Variants in DCHS2 observed in about 807,000 individuals in gnomAD.
The protein encoded by DCHS2 is protocadherin-23.
Under a neutral mutation model 182.4 loss-of-function variants are expected in DCHS2, and 142 were observed. That is an observed-to-expected ratio of 0.78 (90% CI 0.68 to 0.89). The LOEUF is 0.89. Ranked by LOEUF, DCHS2 falls within the 40% of genes least tolerant of loss-of-function variation. The pLI, the probability that DCHS2 is intolerant of heterozygous loss-of-function variation, is 0.00. For synonymous variants in DCHS2, 1,740 were observed against 1,663.3 expected (o/e 1.05, Z -1.12); for missense variants, 4,319 against 4,198.6 (o/e 1.03, Z -0.79).
In DCHS2 at chr4:154,297,872, C is replaced by G; in HGVS notation, c.6442G>C (p.Val2148Leu). The G allele has an allele frequency of 6.2e-7, 1 of 1,609,688 alleles. No homozygotes were observed. Among genetic ancestry groups the G allele is most frequent in the Non-Finnish European group, 8.5e-7 (1 of 1,177,168 alleles). ...TCACCTGCCTCACAATTTTCAGTCA[C>G]GAGCCCTTTATACAGGTGGTGGCTG... ...SFSHHLYKGLVTENCEAGTSI... is the reference protein window; with the variant it reads ...SFSHHLYKGLLTENCEAGTSI... The change falls in exon 13 of 20, where the codon GTG becomes CTG. Residue 2148 changes from valine (V) to leucine (L), a missense_variant. Val to Leu is a conservative substitution (Grantham distance 32). Coordinates refer to ENST00000357232, the MANE Select transcript of DCHS2 (RefSeq NM_001358235.2).
intron 12 of DCHS2, among the ~76,000 whole-genome samples, chr4:154,299,048 A>C (rs1384833138): frequency 3.9e-5 from 6 of 152,210 alleles, no homozygotes; most frequent in Admixed American, 2.6e-4. Context: ...TCATAAGAGG[A>C]TGAAGATATA....
chr4:154,324,500 C>G (rs750755390), intron 7 of DCHS2, among the ~76,000 whole-genome samples: 1 of 152,082 alleles, frequency 6.6e-6, no homozygotes, highest in Non-Finnish European at 1.5e-5. Flanking sequence ...TTTCAGTGCA[C>G]GGAGAATACA....
intron 1 of DCHS2, among the ~76,000 whole-genome samples, chr4:154,435,885 A>G (rs184721731): frequency 6.6e-5 from 10 of 152,352 alleles, no homozygotes; most frequent in Admixed American, 6.5e-4. Flanking sequence ...AACCTGAAAT[A>G]GGCTCAGTGA....
intron 3 of DCHS2, among the ~76,000 whole-genome samples, chr4:154,353,747 C>T (rs1473019800): frequency 6.6e-6 from 1 of 152,214 alleles, no homozygotes; most frequent in Non-Finnish European, 1.5e-5. Flanking sequence ...TGGAGGGTCT[C>T]AAAGGGTGTC....
intron 1 of DCHS2, among the ~76,000 whole-genome samples, chr4:154,411,412 T>C (rs1329277893): frequency 1.3e-5 from 2 of 151,936 alleles, no homozygotes; most frequent in African/African-American, 4.8e-5. Flanking sequence ...GCCTGGTCAA[T>C]ATGGTGAAAC....
chr4:154,260,098 A>G (rs1488673911), intron 14 of DCHS2, among the ~76,000 whole-genome samples: 1 of 152,216 alleles, frequency 6.6e-6, no homozygotes, highest in African/African-American at 2.4e-5. Context: ...CTCGGATTAT[A>G]GGCGTGAGCC....
rs752151040 is a variant in DCHS2, at chr4:154,321,194, A to C, written c.4205T>G (p.Ile1402Ser). 5.1e-6 allele frequency: 8 copies of C among 1,562,280 alleles called. No individual in the cohort carries two copies. Among genetic ancestry groups the C allele is most frequent in the Non-Finnish European group, 6.1e-6 (7 of 1,152,198 alleles). ...TAAATGTCTAATATTCTGAGACATG[A>C]TTGCTCTCCCTTTGGATAGTGGGAT... ...QVIPLSKGRAIMSQNIRHLII... is the reference protein window; with the variant it reads ...QVIPLSKGRASMSQNIRHLII... Residue 1402 changes from isoleucine to serine, a missense_variant, in exon 9 of 20, where the codon ATC (isoleucine) becomes AGC (serine). Ile to Ser is a moderately radical substitution (Grantham distance 142). Transcript: ENST00000357232.
intron 16 of DCHS2, among the ~76,000 whole-genome samples, chr4:154,252,854 A>T (rs755627889): frequency 3.3e-5 from 5 of 152,082 alleles, no homozygotes; most frequent in African/African-American, 4.8e-5. Context: ...ATTGTATGGT[A>T]GCTCTATTTT....
At position 154,269,880 on chromosome 4, in the gene DCHS2, A is replaced by G. The variant is rs772392701; in HGVS notation, c.6577+20T>C. ...AAATGGAGCAGAAAATAAAGCTAGT[A>G]TAGGGTAGAGAAGGATTACCTGACT... is the stretch of plus-strand genomic sequence containing the variant. On this transcript the variant is annotated intron_variant, in intron 14 of 19. Transcript: ENST00000357232. The G allele has an allele frequency of 1.2e-4, 189 of 1,603,560 alleles. No homozygotes were observed. Among genetic ancestry groups the G allele is most frequent in the Non-Finnish European group, 1.6e-4 (186 of 1,176,858 alleles).
At chr4:154,439,729 A>T (rs1037376480) in intron 1 of DCHS2, among the ~76,000 whole-genome samples, 12 of 152,220 alleles carry the variant, frequency 7.9e-5, no homozygotes, top group Non-Finnish European at 5.9e-5. Flanking sequence ...GCTTTACAAA[A>T]TATGTGCTTT....
At chr4:154,253,115 G>A (rs181605254) in intron 16 of DCHS2, among the ~76,000 whole-genome samples, 1 of 151,398 alleles carries the variant, frequency 6.6e-6, no homozygotes, top group Non-Finnish European at 1.5e-5. Flanking sequence ...GGCGGGGTGT[G>A]GGGAGAGCCC....
intron 2 of DCHS2, chr4:154,374,002 CAAAAAAAAA>C (rs35401379): frequency 4.7e-4 from 281 of 596,644 alleles, no homozygotes; most frequent in South Asian, 8.7e-4. Context: ...ATTTTAATAG[CAAAAAAAAA>C]AAAAAAAAAA....
rs1386306841 is a variant in DCHS2 at position 154,328,176 on chromosome 4, G to T, written c.3935C>A (p.Pro1312Gln). The T allele has an allele frequency of 1.9e-6, 3 of 1,606,046 alleles. No homozygotes were observed. The highest frequency in any genetic ancestry group is 2.3e-5 in the South Asian group (2 of 88,812). ...CACAGTTGTAACCAACATATTTACT[G>T]GTTGACCTTCCAGAACCTGCCATTA... The part of the protein sequence containing the change: ...ELHVKVLEGQ[P>Q]VNMLVTTVFA... The change falls in exon 7 of 20, where the codon CCA (proline) becomes CAA (glutamine). Residue 1312 changes from proline (P) to glutamine (Q), a missense_variant. Pro to Gln is a moderately conservative substitution (Grantham distance 76, BLOSUM62 -1). Transcript: ENST00000357232.
chr4:154,426,306 G>A (rs186850391), intron 1 of DCHS2, among the ~76,000 whole-genome samples: 1 of 152,168 alleles, frequency 6.6e-6, no homozygotes, highest in Non-Finnish European at 1.5e-5. Flanking sequence ...ACAGTGTAAG[G>A]CTGTAGTGAA....
chr4:154,487,981 C>A (rs751646174), intron 1 of DCHS2, among the ~76,000 whole-genome samples: 7 of 152,162 alleles, frequency 4.6e-5, no homozygotes, highest in Admixed American at 2.0e-4. Flanking sequence ...AGTTCGAGAC[C>A]AGCCTGGGGA....
At position 154,325,295 on chromosome 4, in the gene DCHS2, G is replaced by C. The variant is rs562759899; in HGVS notation, c.4018+2798C>G. Among the ~76,000 whole-genome samples, 5 of 148,522 alleles carry C rather than the reference G, an allele frequency of 3.4e-5. No individual in the cohort carries two copies. In the South Asian group the frequency reaches 1.1e-3, roughly 32 times the overall value. ...TGGCTTTGCTTGCTTTTAAATAGTG[G>C]TATTATAGCAGGATTATAGCCGTGT... On this transcript the variant is annotated intron_variant, in intron 7 of 19. Coordinates refer to ENST00000357232, the MANE Select transcript of DCHS2 (RefSeq NM_001358235.2).
At chr4:154,360,204 C>G (rs937475511) in intron 3 of DCHS2, among the ~76,000 whole-genome samples, 7 of 151,984 alleles carry the variant, frequency 4.6e-5, no homozygotes, top group African/African-American at 1.4e-4. Context: ...ACACTGAAAA[C>G]TATTATTATC....
intron 13 of DCHS2, among the ~76,000 whole-genome samples, chr4:154,285,445 G>A (rs6848418): frequency 0.99 from 151,118 of 152,294 alleles, 74,981 homozygotes; most frequent in Middle Eastern, 1. Flanking sequence ...CATTGATTCC[G>A]GGCCTTGGCT....
rs913267278 is a variant in DCHS2, at chr4:154,491,580, G to A, written c.-225C>T. 3.0e-6 allele frequency: 4 copies of A among 1,343,374 alleles called. No individual in the cohort carries two copies. Among genetic ancestry groups the A allele is most frequent in the South Asian group, 4.5e-5 (2 of 44,452 alleles). 83.2% of individuals were successfully genotyped at this position (1,343,374 alleles called of 1,614,324 possible). ...GAAGTAAGCTCTAGCTGCCTCTGCC[G>A]CGGCAGCCACCTCTTCTGCCCCTGG... On this transcript the variant is annotated 5_prime_UTR_variant, in exon 1 of 20. Coordinates refer to ENST00000357232, the MANE Select transcript of DCHS2 (RefSeq NM_001358235.2).
Sources: allele counts gnomAD v4.1 joint callset (sites outside exome capture counted in the v4.1 genomes callset), GRCh38; gene constraint gnomAD v4.1.1; transcripts MANE v1.5; gene names NCBI Gene and HGNC (gene_info 2026-07-23, HGNC 2026-07-21).